SLIT3: variants seen among roughly 807,000 people sequenced by gnomAD.
SLIT3 encodes the protein slit guidance ligand 3.
SLIT3 carries 68 observed loss-of-function variants against 184.0 expected under a neutral mutation model. The observed-to-expected ratio is 0.37, with a 90% CI of 0.30 to 0.45. The LOEUF (loss-of-function observed/expected upper bound fraction) is 0.45, where lower values mean the gene tolerates loss of function less well. SLIT3 is among the 20% of genes least tolerant of loss of function. The pLI, the probability that SLIT3 is intolerant of heterozygous loss-of-function variation, is 1.00. For synonymous variants in SLIT3, 831 were observed against 828.6 expected, an observed-to-expected ratio of 1.00 and a Z score of -0.05; for missense variants, 1,707 against 2,026.0, an observed-to-expected ratio of 0.84 and a Z score of 3.02.
chr5:168,678,671 A>G (rs1322012462), intron 32 of SLIT3, among the ~76,000 whole-genome samples: 2 of 152,222 alleles, frequency 1.3e-5, no homozygotes, highest in East Asian at 3.9e-4. Context: ...TGACAGAGTG[A>G]GACTCTGTCT....
At chr5:168,712,213 T>G in intron 24 of SLIT3, 70 bp downstream of exon 24, 2 of 1,343,956 alleles carry the variant, frequency 1.5e-6, no homozygotes, top group Non-Finnish European at 2.1e-6. Context: ...CTGACAGTGA[T>G]GACATTGTCG....
chr5:168,708,421 TC>T (rs1450254996), intron 25 of SLIT3: 1 of 381,022 alleles, frequency 2.6e-6, no homozygotes, highest in East Asian at 5.6e-5. Flanking sequence ...CCCCTGTGTA[TC>T]TTTTCATATT....
intron 4 of SLIT3, among the ~76,000 whole-genome samples, chr5:169,043,111 T>G (rs918867685): frequency 6.6e-6 from 1 of 152,222 alleles, no homozygotes; most frequent in African/African-American, 2.4e-5. Context: ...TCTCATTTAC[T>G]TCTCAAAACA....
intron 5 of SLIT3, among the ~76,000 whole-genome samples, chr5:168,846,439 G>A (rs936287999): frequency 2.0e-5 from 3 of 152,042 alleles, no homozygotes; most frequent in Non-Finnish European, 4.4e-5. Flanking sequence ...TGGGGCCGCC[G>A]ACTCCCTGCA....
At chr5:168,929,587 C>A (rs931693568) in intron 4 of SLIT3, among the ~76,000 whole-genome samples, 5 of 152,184 alleles carry the variant, frequency 3.3e-5, no homozygotes, top group African/African-American at 1.2e-4. Flanking sequence ...CAATTCTGCA[C>A]AATTGGAAAT....
chr5:168,678,775 G>GA (rs144973222), intron 32 of SLIT3, among the ~76,000 whole-genome samples: 6 of 151,514 alleles, frequency 4.0e-5, no homozygotes, highest in Non-Finnish European at 7.4e-5. Flanking sequence ...AAAAGTAGAG[G>GA]AAAAAAAAGG....
intron 2 of SLIT3, among the ~76,000 whole-genome samples, chr5:169,249,399 A>G (rs1382258458): frequency 6.6e-6 from 1 of 152,232 alleles, no homozygotes; most frequent in African/African-American, 2.4e-5. Context: ...AATGTTGTAG[A>G]CCATCCAGGG....
At chr5:169,053,030 A>G (rs1757869385) in intron 4 of SLIT3, among the ~76,000 whole-genome samples, 1 of 152,234 alleles carries the variant, frequency 6.6e-6, no homozygotes, top group Non-Finnish European at 1.5e-5. Context: ...GATGAACCAC[A>G]TCAGAACAAG....
intron 32 of SLIT3, among the ~76,000 whole-genome samples, chr5:168,679,598 T>A (rs909826148): frequency 6.6e-6 from 1 of 152,118 alleles, no homozygotes; most frequent in Non-Finnish European, 1.5e-5. Context: ...TTCCTCTAGG[T>A]GCTGGTTGCT....
At chr5:169,156,673 C>A (rs1262912040) in intron 4 of SLIT3, among the ~76,000 whole-genome samples, 1 of 152,216 alleles carries the variant, frequency 6.6e-6, no homozygotes, top group African/African-American at 2.4e-5. Context: ...TGGTGCAAAC[C>A]ACCAGGTGGC....
At chr5:169,203,955 A>G (rs900441872) in intron 3 of SLIT3, among the ~76,000 whole-genome samples, 2 of 152,176 alleles carry the variant, frequency 1.3e-5, no homozygotes, top group African/African-American at 4.8e-5. Context: ...ATGATTGGAT[A>G]TACACATATG....
Position 168,749,499 on chromosome 5 carries a change from C to A in SLIT3, c.2110G>T (p.Val704Leu). ...TCACAGGTGAAGTCCTGGATGGCCA[C>A]ATCCTGGATGGGAATCTCCTTGAGG... ...FFLKEIPIQDVAIQDFTCDGN... is the reference protein window; with the variant it reads ...FFLKEIPIQDLAIQDFTCDGN... The change falls in exon 19 of 36, where the codon GTG becomes TTG. Residue 704 changes from valine (V) to leucine (L), a missense_variant. Val to Leu is a conservative substitution (Grantham distance 32). Around this residue, in one of 3 missense-constraint regions of SLIT3, gnomAD observed 1,307 missense variants for 1,511.6 expected, o/e 0.86. Transcript: ENST00000519560. 1 of 1,614,162 alleles carries A rather than the reference C, an allele frequency of 6.2e-7. No individual in the cohort carries two copies. The highest frequency in any genetic ancestry group is 8.5e-7 in the Non-Finnish European group (1 of 1,180,004).
In SLIT3 at chr5:168,887,528, T is replaced by C. The variant is rs141514933; in HGVS notation, c.414-4192A>G. Among the ~76,000 whole-genome samples, 543 of 152,292 alleles carry C rather than the reference T, an allele frequency of 3.6e-3. 3 individuals carry two copies. Among genetic ancestry groups the C allele is most frequent in the African/African-American group, 0.012 (511 of 41,562 alleles). ...TAGTTTTACTAACCTCATCAGTTAG[T>C]TGTGAGAGCGAAATGATTACACGTA... On this transcript the variant is annotated intron_variant, in intron 4 of 35. Coordinates refer to ENST00000519560, the MANE Select transcript of SLIT3 (RefSeq NM_003062.4).
In SLIT3 at chr5:168,939,828, T is replaced by C. The variant is rs1019325946; in HGVS notation, c.414-56492A>G. On this transcript the variant is annotated intron_variant, in intron 4 of 35. Coordinates refer to ENST00000519560, the MANE Select transcript of SLIT3 (RefSeq NM_003062.4). ...TTAATCTTAATGCCAGTGGCTATCA[T>C]GTTATTGAACACTTTCCACGTGCCT... Among the ~76,000 whole-genome samples the C allele has an allele frequency of 2.6e-5, 4 of 152,244 alleles. No individual in the cohort carries two copies. The East Asian group carries it at 5.8e-4, about 22-fold the overall frequency.
At chr5:169,131,030 A>T (rs1215949492) in intron 4 of SLIT3, among the ~76,000 whole-genome samples, 1 of 152,212 alleles carries the variant, frequency 6.6e-6, no homozygotes, top group African/African-American at 2.4e-5. Context: ...TCATCTCCGG[A>T]AAAGGGCAGA....
intron 4 of SLIT3, among the ~76,000 whole-genome samples, chr5:169,010,139 T>C (rs1756090012): frequency 6.6e-6 from 1 of 152,142 alleles, no homozygotes; most frequent in Non-Finnish European, 1.5e-5. Context: ...ATGAATTTTG[T>C]CTGAACAAGA....
intron 4 of SLIT3, among the ~76,000 whole-genome samples, chr5:169,116,240 G>A (rs6863538): frequency 0.37 from 56,250 of 151,990 alleles, 10,834 homozygotes; most frequent in Middle Eastern, 0.55. Context: ...AGGGCAGTCC[G>A]GGCAAAGAAC....
chr5:168,663,772 C>T lies in SLIT3; in HGVS notation c.*2682G>A, dbSNP rs1013957434. ...GGAAAGTTCAATTCCCTTTCTCACT[C>T]TGGCAAACTCCTATTCATCCTTAAA... On this transcript the variant is annotated 3_prime_UTR_variant, in exon 36 of 36. Transcript: ENST00000519560. 6 of 152,274 alleles carry T rather than the reference C, an allele frequency of 3.9e-5. No individual in the cohort carries two copies. The highest frequency in any genetic ancestry group is 1.5e-5 in the Non-Finnish European group (1 of 68,088). The allele number at this position is 152,274 out of a possible 1,614,324, so 9.4% of individuals were successfully genotyped here.
chr5:169,214,126 C>A (rs959383934), intron 3 of SLIT3, among the ~76,000 whole-genome samples: 1 of 152,324 alleles, frequency 6.6e-6, no homozygotes, highest in Middle Eastern at 3.4e-3. Flanking sequence ...AAGACAAACA[C>A]CTCCTTCCCA....
Sources: allele counts gnomAD v4.1 joint callset (sites outside exome capture counted in the v4.1 genomes callset), GRCh38; gene constraint gnomAD v4.1.1; regional missense constraint gnomAD v4.1.1; transcripts MANE v1.5; gene names NCBI Gene and HGNC (gene_info 2026-07-23, HGNC 2026-07-21).